Variants in TMEM200A observed in about 807,000 individuals in gnomAD.
The protein encoded by TMEM200A is two transmembrane C.
Under a neutral mutation model 24.3 loss-of-function variants are expected in TMEM200A, and 12 were observed. The observed-to-expected ratio is 0.49, with a 90% confidence interval of 0.32 to 0.80. TMEM200A has a LOEUF of 0.80. TMEM200A is among the 30% of genes least tolerant of loss of function. TMEM200A has a pLI of 0.04. For missense variants in TMEM200A, 545 were observed against 614.4 expected, an observed-to-expected ratio of 0.89 and a Z score of 1.19; for synonymous variants, 224 against 224.4, an observed-to-expected ratio of 1.00 and a Z score of 0.02.
intron 2 of TMEM200A, among the ~76,000 whole-genome samples, chr6:130,388,462 T>C (rs1027619259): frequency 6.6e-6 from 1 of 152,242 alleles, no homozygotes; most frequent in African/African-American, 2.4e-5. Flanking sequence ...GGTGTGACAA[T>C]TCATTGCTTA....
chr6:130,415,286 CATA>C (rs1779423318), intron 2 of TMEM200A, among the ~76,000 whole-genome samples: 1 of 152,056 alleles, frequency 6.6e-6, no homozygotes. Flanking sequence ...CTAGTGAGCA[CATA>C]ATAAGGTACT....
chr6:130,419,729 C>G (rs75376810), intron 2 of TMEM200A, among the ~76,000 whole-genome samples: 5,581 of 152,246 alleles, frequency 0.037, 150 homozygotes, highest in Non-Finnish European at 0.055. Flanking sequence ...CTCCTGACAC[C>G]AGAGCATCAG....
At chr6:130,411,603 T>C (rs1779331657) in intron 2 of TMEM200A, among the ~76,000 whole-genome samples, 1 of 152,234 alleles carries the variant, frequency 6.6e-6, no homozygotes, top group Non-Finnish European at 1.5e-5. Context: ...TTTACTCTGC[T>C]TCAATCTGGA....
chr6:130,427,643 C>A (rs1779778118), intron 2 of TMEM200A, among the ~76,000 whole-genome samples: 2 of 152,004 alleles, frequency 1.3e-5, no homozygotes, highest in South Asian at 4.2e-4. Context: ...AAGAAAAGTA[C>A]CCATTTGTCC....
intron 2 of TMEM200A, among the ~76,000 whole-genome samples, chr6:130,405,850 G>A (rs924061641): frequency 2.6e-5 from 4 of 152,144 alleles, no homozygotes; most frequent in African/African-American, 7.2e-5. Context: ...GATAGACACT[G>A]CACATGCTTA....
Position 130,366,519 on chromosome 6 carries a change from G to C in TMEM200A, c.-86G>C. 1.0e-6 allele frequency: 1 copy of C among 985,990 alleles called. No homozygotes were observed. 61.1% of individuals were successfully genotyped at this position (985,990 alleles called of 1,614,324 possible). ...CCCGACCCCCAGGGCCCGGTGCTCAGGACAGGTGAGGGGAAGGAAAGGGTG... is the reference window on the plus strand; with the variant it reads ...CCCGACCCCCAGGGCCCGGTGCTCACGACAGGTGAGGGGAAGGAAAGGGTG... On this transcript the variant is annotated 5_prime_UTR_variant, in exon 1 of 3. Transcript: ENST00000296978. The surrounding 1 kb of genome is among the most constrained non-coding windows in gnomAD (Gnocchi z 4.4).
intron 2 of TMEM200A, among the ~76,000 whole-genome samples, chr6:130,408,965 C>T (rs1478638453): frequency 6.6e-6 from 1 of 152,098 alleles, no homozygotes; most frequent in African/African-American, 2.4e-5. Context: ...GGGATATTCC[C>T]AGACAGTGAC....
At chr6:130,384,911 C>G (rs1188789368) in intron 1 of TMEM200A, among the ~76,000 whole-genome samples, 3 of 152,124 alleles carry the variant, frequency 2.0e-5, no homozygotes, top group Non-Finnish European at 2.9e-5. Flanking sequence ...TTCTAATACA[C>G]AAAAATTTAC....
At chr6:130,401,966 T>A (rs1487491233) in intron 2 of TMEM200A, among the ~76,000 whole-genome samples, 1 of 152,030 alleles carries the variant, frequency 6.6e-6, no homozygotes, top group Non-Finnish European at 1.5e-5. Context: ...AGTGTACCTT[T>A]GTCTGACATG....
intron 2 of TMEM200A, among the ~76,000 whole-genome samples, chr6:130,403,920 C>A (rs1040648543): frequency 6.6e-6 from 1 of 152,006 alleles, no homozygotes; most frequent in Non-Finnish European, 1.5e-5. Flanking sequence ...TGAGAAAATG[C>A]GGTATTTGGT....
In TMEM200A at chr6:130,387,265, T is replaced by C. The variant is rs181659247; in HGVS notation, c.-17+2029T>C. Among the ~76,000 whole-genome samples the C allele has an allele frequency of 2.0e-5, 3 of 152,232 alleles. No homozygotes were observed. The East Asian group carries it at 5.8e-4, about 29-fold the overall frequency. ...AGCAGAATGGATATTTTTATTTGGATAGAGTTGTGTTTGTTTGTTTGTTTT... is the reference window on the plus strand; with the variant it reads ...AGCAGAATGGATATTTTTATTTGGACAGAGTTGTGTTTGTTTGTTTGTTTT... On this transcript the variant is annotated intron_variant, in intron 2 of 2. Transcript: ENST00000296978.
chr6:130,428,098 G>A (rs1337170366), intron 2 of TMEM200A, among the ~76,000 whole-genome samples: 1 of 152,050 alleles, frequency 6.6e-6, no homozygotes, highest in Non-Finnish European at 1.5e-5. Flanking sequence ...TTTACTGCTA[G>A]GCATTCTTTC....
At chr6:130,374,682 C>T (rs1338573826) in intron 1 of TMEM200A, among the ~76,000 whole-genome samples, 3 of 152,068 alleles carry the variant, frequency 2.0e-5, no homozygotes, top group Non-Finnish European at 4.4e-5. Context: ...CCTCAGCCTC[C>T]CAAAGTACTG....
chr6:130,417,905 C>T (rs897856298), intron 2 of TMEM200A, among the ~76,000 whole-genome samples: 2 of 152,078 alleles, frequency 1.3e-5, no homozygotes, highest in Admixed American at 6.6e-5. Flanking sequence ...ACTCCAACTT[C>T]GCTTGCTCTT....
At chr6:130,416,325 CTGTCTCTCTCTCTGTG>C (rs899060931) in intron 2 of TMEM200A, among the ~76,000 whole-genome samples, 1 of 123,948 alleles carries the variant, frequency 8.1e-6, no homozygotes, top group Non-Finnish European at 1.6e-5. Flanking sequence ...TTCTCTCTCT[CTGTCTCTCTCTCTGTG>C]TGTGTGTGTG....
At position 130,441,403 on chromosome 6, in the gene TMEM200A, T is replaced by A; in HGVS notation, c.981T>A (p.Leu327=). The A allele has an allele frequency of 1.2e-6, 2 of 1,614,116 alleles. No homozygotes were observed. Among genetic ancestry groups the A allele is most frequent in the South Asian group, 2.2e-5 (2 of 91,080 alleles). ...SRSRNLSMDS[L]VVPLPNTSES... ...CAAGGAATTTGTCAATGGATTCCCTTGTGGTTCCTTTGCCCAACACCAGTG... is the reference window on the plus strand; with the variant it reads ...CAAGGAATTTGTCAATGGATTCCCTAGTGGTTCCTTTGCCCAACACCAGTG... Residue 327 remains leucine, a synonymous_variant, in exon 3 of 3, where the codon CTT becomes CTA. Coordinates refer to ENST00000296978, the MANE Select transcript of TMEM200A (RefSeq NM_001258277.2).
intron 2 of TMEM200A, among the ~76,000 whole-genome samples, chr6:130,413,337 C>T (rs1187261041): frequency 1.3e-5 from 2 of 152,172 alleles, no homozygotes; most frequent in South Asian, 2.1e-4. Context: ...TAGGCATCCC[C>T]GGGCTTCATG....
At chr6:130,369,209 A>T (rs1423067565) in intron 1 of TMEM200A, among the ~76,000 whole-genome samples, 1 of 152,208 alleles carries the variant, frequency 6.6e-6, no homozygotes, top group Non-Finnish European at 1.5e-5. Context: ...TTTTCCATGA[A>T]TTTTCACAAA....
chr6:130,423,099 G>A (rs530534289), intron 2 of TMEM200A, among the ~76,000 whole-genome samples: 1 of 152,176 alleles, frequency 6.6e-6, no homozygotes, highest in Non-Finnish European at 1.5e-5. Context: ...TCTATCTGGG[G>A]TAATACTTAA....
Sources: gnomAD v4.1 joint callset for allele counts (sites outside exome capture counted in the v4.1 genomes callset) on GRCh38, gnomAD v4.1.1 for gene constraint, Gnocchi (gnomAD v3.1) non-coding constraint, MANE v1.5 for transcripts, NCBI Gene and HGNC (gene_info 2026-07-23, HGNC 2026-07-21) for gene names.